Variants in GRIK2 observed in about 807,000 individuals in gnomAD.
GRIK2 encodes the protein glutamate receptor ionotropic, kainate 2.
GRIK2 carries 32 observed loss-of-function variants against 100.3 expected under a neutral mutation model. The ratio of observed to expected loss-of-function variants is 0.32; its 90% CI spans 0.24 to 0.43. The LOEUF is 0.43. Ranked by LOEUF, GRIK2 falls within the 20% of genes least tolerant of loss-of-function variation. The pLI, the probability that GRIK2 is intolerant of heterozygous loss-of-function variation, is 1.00. For synonymous variants in GRIK2, 417 were observed against 389.4 expected (o/e 1.07, Z -0.83); for missense variants, 843 against 1,114.9 (o/e 0.76, Z 3.47).
chr6:101,714,556 G>T (rs1457207142), intron 7 of GRIK2, among the ~76,000 whole-genome samples: 1 of 151,648 alleles, frequency 6.6e-6, no homozygotes, highest in Non-Finnish European at 1.5e-5. Flanking sequence ...ATTATCCACT[G>T]GATTTTTCTC....
At chr6:101,573,954 G>C (rs1235325767) in intron 2 of GRIK2, among the ~76,000 whole-genome samples, 3 of 151,862 alleles carry the variant, frequency 2.0e-5, no homozygotes, top group African/African-American at 7.2e-5. Flanking sequence ...AACTAGACTT[G>C]ATGTTTTTTC....
At chr6:101,590,274 C>T (rs1667541889) in intron 2 of GRIK2, among the ~76,000 whole-genome samples, 1 of 152,042 alleles carries the variant, frequency 6.6e-6, no homozygotes, top group South Asian at 2.1e-4. Context: ...GCCCTACAAA[C>T]ATTTCTCCTT....
Position 101,958,253 on chromosome 6 carries a change from T to TTGTGTGTGTGTG in GRIK2, c.2085+29640_2085+29651dup, listed in dbSNP as rs1554292720. Among the ~76,000 whole-genome samples the TTGTGTGTGTGTG allele has an allele frequency of 1.2e-3, 166 of 139,530 alleles. 2 individuals are homozygous for TTGTGTGTGTGTG. The highest frequency in any genetic ancestry group is 7.7e-3 in the Middle Eastern group (2 of 260). 91.5% of individuals were successfully genotyped at this position (139,530 alleles called of 152,430 possible). ...CTTGTTTAAATGTATTGCTACATAT[T>TTGTGTGTGTGTG]TGTGTGTGTGTGTGTGTGTGTGTGT... On this transcript the variant is annotated intron_variant, in intron 14 of 16. Transcript: ENST00000369134.
At chr6:101,858,381 T>TC (rs1041926610) in intron 10 of GRIK2, among the ~76,000 whole-genome samples, 8 of 147,642 alleles carry the variant, frequency 5.4e-5, no homozygotes, top group Non-Finnish European at 1.2e-4. Flanking sequence ...TCTCTATTTT[T>TC]TTTTCTTTTT....
At chr6:101,816,213 A>C (rs1583202069) in intron 9 of GRIK2, among the ~76,000 whole-genome samples, 1 of 151,520 alleles carries the variant, frequency 6.6e-6, no homozygotes, top group South Asian at 2.1e-4. Flanking sequence ...TACACATCTG[A>C]AAATCTTAGC....
chr6:101,639,252 G>T (rs1487569760), intron 4 of GRIK2, among the ~76,000 whole-genome samples: 1 of 151,978 alleles, frequency 6.6e-6, no homozygotes, highest in African/African-American at 2.4e-5. Context: ...TGGTCGGGTC[G>T]CAAACTCCTG....
intron 14 of GRIK2, among the ~76,000 whole-genome samples, chr6:102,024,396 G>T (rs1769583278): frequency 6.6e-6 from 1 of 151,182 alleles, no homozygotes; most frequent in South Asian, 2.1e-4. Context: ...ATAAAAATTG[G>T]CAAACACTAC....
Position 102,035,564 on chromosome 6 carries a change from T to C in GRIK2, c.2309T>C (p.Met770Thr), listed in dbSNP as rs1367523820. 1 of 1,551,314 alleles carries C rather than the reference T, an allele frequency of 6.4e-7. No homozygotes were observed. The highest frequency in any genetic ancestry group is 2.2e-5 in the East Asian group (1 of 44,508). The change falls in exon 15 of 17, where the codon ATG (methionine) becomes ACG (threonine). Residue 770 changes from methionine (M) to threonine (T), a missense_variant and splice_region_variant. Physicochemically the swap from Met to Thr is moderately conservative, Grantham distance 81 (BLOSUM62 -1). Transcript: ENST00000369134. Reference sequence around the variant, plus strand: ...AAAGGTTATGGCGTTGGCACTCCCATGGGTAGGTTATATGTCAGCTCTTTG... The same window carrying C: ...AAAGGTTATGGCGTTGGCACTCCCACGGGTAGGTTATATGTCAGCTCTTTG... ...DSKGYGVGTPMGSPYRDKITI... is the reference protein window; with the variant it reads ...DSKGYGVGTPTGSPYRDKITI...
At chr6:101,621,237 G>A (rs1780145510) in intron 2 of GRIK2, among the ~76,000 whole-genome samples, 1 of 152,120 alleles carries the variant, frequency 6.6e-6, no homozygotes, top group South Asian at 2.1e-4. Context: ...CAGATGGCTT[G>A]AGCCCAGGAG....
chr6:101,783,608 T>C (rs776324367), intron 7 of GRIK2, among the ~76,000 whole-genome samples: 1 of 152,126 alleles, frequency 6.6e-6, no homozygotes, highest in Non-Finnish European at 1.5e-5. Flanking sequence ...TTTGGAGAGC[T>C]TCAAAGTACA....
chr6:101,891,986 G>A (rs971510604), intron 12 of GRIK2, among the ~76,000 whole-genome samples: 1 of 152,056 alleles, frequency 6.6e-6, no homozygotes, highest in African/African-American at 2.4e-5. Context: ...AAACTCTTCA[G>A]CCAGCCCACA....
intron 15 of GRIK2, among the ~76,000 whole-genome samples, chr6:102,042,523 C>T (rs912016188): frequency 2.0e-5 from 3 of 151,486 alleles, no homozygotes; most frequent in Non-Finnish European, 4.4e-5. Flanking sequence ...GACCAAATTG[C>T]AAAAGGGACT....
At chr6:101,881,774 G>A (rs10223618) in intron 11 of GRIK2, among the ~76,000 whole-genome samples, 42 of 151,814 alleles carry the variant, frequency 2.8e-4, no homozygotes, top group African/African-American at 9.9e-4. Context: ...GATCCCTTGA[G>A]CCCAGGATTT....
chr6:101,918,299 G>A (rs1412311634), intron 12 of GRIK2, among the ~76,000 whole-genome samples: 1 of 151,516 alleles, frequency 6.6e-6, no homozygotes, highest in African/African-American at 2.4e-5. Context: ...GTTCAAATGT[G>A]TAAAATATAT....
intron 2 of GRIK2, among the ~76,000 whole-genome samples, chr6:101,537,443 TGTGTGTGTGTGC>T (rs1347623422): frequency 7.5e-6 from 1 of 133,534 alleles, no homozygotes; most frequent in Non-Finnish European, 1.7e-5. Flanking sequence ...TGTGTGTGTT[TGTGTGTGTGTGC>T]GTGTGTGTGT....
chr6:102,001,931 C>A (rs1465123299), intron 14 of GRIK2, among the ~76,000 whole-genome samples: 1 of 151,480 alleles, frequency 6.6e-6, no homozygotes, highest in Non-Finnish European at 1.5e-5. Flanking sequence ...AAATTAATTT[C>A]AAAGTTTTTC....
intron 2 of GRIK2, among the ~76,000 whole-genome samples, chr6:101,446,028 C>T (rs760604345): frequency 6.6e-6 from 1 of 151,968 alleles, no homozygotes; most frequent in Non-Finnish European, 1.5e-5. Context: ...CTGTGATATC[C>T]CTCCTCAACT....
chr6:101,405,931 C>G (rs998692880), intron 2 of GRIK2, among the ~76,000 whole-genome samples: 1 of 152,164 alleles, frequency 6.6e-6, no homozygotes, highest in African/African-American at 2.4e-5. Flanking sequence ...AGCTTTTAAA[C>G]TTCAGATTTG....
chr6:101,884,588 G>A (rs1786487359), intron 11 of GRIK2, among the ~76,000 whole-genome samples: 1 of 151,954 alleles, frequency 6.6e-6, no homozygotes, highest in South Asian at 2.1e-4. Flanking sequence ...TTTTACCATT[G>A]CTTTATAAGA....
Sources: gnomAD v4.1 joint callset for allele counts (sites outside exome capture counted in the v4.1 genomes callset) on GRCh38, gnomAD v4.1.1 for gene constraint, MANE v1.5 for transcripts, NCBI Gene and HGNC (gene_info 2026-07-23, HGNC 2026-07-21) for gene names.